The following SHISA9 variants were observed in gnomAD, a reference collection of about 807,000 sequenced individuals.
SHISA9 encodes protein shisa-9.
SHISA9 carries 13 observed loss-of-function variants against 38.0 expected under a neutral mutation model. That is an observed-to-expected ratio of 0.34 (90% CI 0.22 to 0.54). SHISA9 has a LOEUF of 0.54. SHISA9 is among the 20% of genes least tolerant of loss of function. The pLI is 0.91. For synonymous variants in SHISA9, 275 were observed against 242.0 expected (o/e 1.14, Z -1.27); for missense variants, 538 against 575.8 (o/e 0.93, Z 0.67).
chr16:13,002,760 C>T (rs1024102809), intron 2 of SHISA9, among the ~76,000 whole-genome samples: 2 of 151,902 alleles, frequency 1.3e-5, no homozygotes, highest in African/African-American at 4.8e-5. Flanking sequence ...CTGGAACTCC[C>T]GACCTCAGGT....
chr16:13,296,891 CAAAAAAAAAAAA>C, the SHISA9 span, among the ~76,000 whole-genome samples: 2,445 of 26,694 alleles, frequency 0.092, 42 homozygotes, highest in Non-Finnish European at 0.12. Flanking sequence ...AACTCCATCT[CAAAAAAAAAAAA>C]AAAAAAAAAA....
chr16:13,319,078 G>A, the SHISA9 span, among the ~76,000 whole-genome samples: 255 of 152,212 alleles, frequency 1.7e-3, no homozygotes, highest in African/African-American at 5.7e-3. Context: ...TGAGATCTCC[G>A]CCCACTGCAA....
the SHISA9 span, among the ~76,000 whole-genome samples, chr16:13,386,107 A>C: frequency 6.6e-6 from 1 of 152,214 alleles, no homozygotes; most frequent in Non-Finnish European, 1.5e-5. Context: ...AAAAGTGCAT[A>C]GAGCTAAATA....
At chr16:13,097,700 G>T (rs897668563) in intron 2 of SHISA9, among the ~76,000 whole-genome samples, 1 of 152,128 alleles carries the variant, frequency 6.6e-6, no homozygotes, top group African/African-American at 2.4e-5. Flanking sequence ...CACCATGCCT[G>T]GCCTGATCAT....
At chr16:13,162,972 C>A (rs908232372) in intron 2 of SHISA9, among the ~76,000 whole-genome samples, 2 of 151,936 alleles carry the variant, frequency 1.3e-5, no homozygotes, top group African/African-American at 2.4e-5. Flanking sequence ...ATAATGCTTT[C>A]TAAGTCAAAG....
the SHISA9 span, chr16:13,458,240 C>T: frequency 4.6e-6 from 1 of 218,800 alleles, no homozygotes; most frequent in African/African-American, 2.4e-5. Flanking sequence ...CTCTTATGGA[C>T]ACTGACTGTC....
At chr16:13,099,557 G>A (rs906342591) in intron 2 of SHISA9, among the ~76,000 whole-genome samples, 1 of 151,980 alleles carries the variant, frequency 6.6e-6, no homozygotes, top group Admixed American at 6.6e-5. Flanking sequence ...TGGGCAGTGA[G>A]GATATCGGGA....
At chr16:13,028,891 A>T (rs1410233155) in intron 2 of SHISA9, among the ~76,000 whole-genome samples, 1 of 152,132 alleles carries the variant, frequency 6.6e-6, no homozygotes, top group Non-Finnish European at 1.5e-5. Flanking sequence ...GGGTGTCAAC[A>T]CTTCAAAACT....
intron 2 of SHISA9, among the ~76,000 whole-genome samples, chr16:13,015,525 C>T (rs1431284239): frequency 6.6e-6 from 1 of 152,248 alleles, no homozygotes; most frequent in Non-Finnish European, 1.5e-5. Flanking sequence ...TGCTCCCCAA[C>T]AAACTGAAAA....
the SHISA9 span, among the ~76,000 whole-genome samples, chr16:13,246,831 A>G: frequency 1.3e-5 from 2 of 152,162 alleles, no homozygotes; most frequent in Admixed American, 1.3e-4. Flanking sequence ...TAAAGCACTT[A>G]GAACTGTATC....
intron 2 of SHISA9, among the ~76,000 whole-genome samples, chr16:13,024,519 G>A (rs775780075): frequency 5.9e-5 from 9 of 152,232 alleles, no homozygotes; most frequent in Non-Finnish European, 1.0e-4. Context: ...ATGTATTAAA[G>A]GATTTGGATT....
intron 2 of SHISA9, among the ~76,000 whole-genome samples, chr16:12,947,998 C>T (rs1380661832): frequency 6.6e-6 from 1 of 152,200 alleles, no homozygotes; most frequent in Non-Finnish European, 1.5e-5. Flanking sequence ...GTTGGATAAA[C>T]ACCATAGCCT....
the SHISA9 span, among the ~76,000 whole-genome samples, chr16:13,264,611 A>G: frequency 6.6e-6 from 1 of 152,080 alleles, no homozygotes; most frequent in South Asian, 2.1e-4. Context: ...CCTATTCTTC[A>G]TTATTCTAAA....
chr16:13,257,217 C>T, the SHISA9 span, among the ~76,000 whole-genome samples: 2 of 152,208 alleles, frequency 1.3e-5, no homozygotes, highest in African/African-American at 2.4e-5. Context: ...CTTTCTAGCA[C>T]TGTTGCTACT....
At chr16:13,042,209 C>T (rs1271092559) in intron 2 of SHISA9, among the ~76,000 whole-genome samples, 1 of 152,182 alleles carries the variant, frequency 6.6e-6, no homozygotes, top group African/African-American at 2.4e-5. Context: ...GCACTGGTCG[C>T]TACCTTTACC....
chr16:13,401,099 G>C, the SHISA9 span, among the ~76,000 whole-genome samples: 1 of 152,192 alleles, frequency 6.6e-6, no homozygotes, highest in Non-Finnish European at 1.5e-5. Context: ...TAAGTTGTGA[G>C]AGTGAGATGA....
the SHISA9 span, among the ~76,000 whole-genome samples, chr16:13,531,214 T>C: frequency 6.6e-6 from 1 of 152,122 alleles, no homozygotes; most frequent in Non-Finnish European, 1.5e-5. Context: ...TAATGAGAGT[T>C]AATTAAGTTA....
chr16:13,442,588 A>C, the SHISA9 span, among the ~76,000 whole-genome samples: 1 of 152,180 alleles, frequency 6.6e-6, no homozygotes, highest in African/African-American at 2.4e-5. Flanking sequence ...TACAGACATG[A>C]GCCATCTCAC....
rs973162557 is a variant in SHISA9, at chr16:13,145,471, G to A, written c.692-57923G>A. 2.6e-5 allele frequency among the ~76,000 whole-genome samples: 4 copies of A among 152,184 alleles called. No homozygotes were observed. The South Asian group carries it at 8.3e-4, about 31-fold the overall frequency. On this transcript the variant is annotated intron_variant, in intron 2 of 4. Transcript: ENST00000558583. ...GAACCCGGGAGGCGGGAGTTGCAGT[G>A]AGCCAAGATCGTGCCATTGCACTCC...
Sources: allele counts gnomAD v4.1 joint callset (sites outside exome capture counted in the v4.1 genomes callset), GRCh38; gene constraint gnomAD v4.1.1; transcripts MANE v1.5; gene names NCBI Gene and HGNC (gene_info 2026-07-23, HGNC 2026-07-21).